The following DPYD variants were observed in gnomAD, a reference collection of about 807,000 sequenced individuals.
The protein encoded by DPYD is dihydropyrimidine dehydrogenase, also known as dihydropyrimidine dehydrogenase [NADP(+)].
A neutral mutation model predicts 116.2 loss-of-function variants in DPYD; 109 were observed. The observed-to-expected ratio is 0.94, with a 90% CI of 0.80 to 1.10. The LOEUF (loss-of-function observed/expected upper bound fraction) is 1.10. Among genes scored for constraint, DPYD ranks in the 50% least tolerant of loss-of-function variants. The pLI, the probability that DPYD is intolerant of heterozygous loss-of-function variation, is 0.00. For synonymous variants in DPYD, 440 were observed against 432.0 expected, an observed-to-expected ratio of 1.02 and a Z score of -0.23; for missense variants, 1,302 against 1,254.5, an observed-to-expected ratio of 1.04 and a Z score of -0.57.
chr1:97,191,804 AT>A (rs1160366447), intron 20 of DPYD, among the ~76,000 whole-genome samples: 4 of 152,032 alleles, frequency 2.6e-5, no homozygotes, highest in East Asian at 1.9e-4. Flanking sequence ...TCATTTGTGA[AT>A]TTTTTTTAGT....
intron 13 of DPYD, among the ~76,000 whole-genome samples, chr1:97,464,658 A>G (rs1043160926): frequency 2.0e-5 from 3 of 152,168 alleles, no homozygotes; most frequent in Admixed American, 6.5e-5. Context: ...CTTCCACATA[A>G]TGTTGAGCCT....
At chr1:97,756,739 G>A (rs905920095) in intron 3 of DPYD, among the ~76,000 whole-genome samples, 3 of 152,074 alleles carry the variant, frequency 2.0e-5, no homozygotes, top group African/African-American at 7.2e-5. Flanking sequence ...ATATTGAAGA[G>A]GTGTTGTTAA....
At chr1:97,884,421 C>G (rs1323625793) in intron 1 of DPYD, among the ~76,000 whole-genome samples, 1 of 151,930 alleles carries the variant, frequency 6.6e-6, no homozygotes, top group African/African-American at 2.4e-5. Flanking sequence ...CTGGGAGAGA[C>G]ACAGTGTATT....
chr1:97,906,012 A>G (rs1280427893), intron 1 of DPYD, among the ~76,000 whole-genome samples: 1 of 151,574 alleles, frequency 6.6e-6, no homozygotes, highest in Non-Finnish European at 1.5e-5. Flanking sequence ...GTTCTTAAGT[A>G]GGGAACAAGA....
chr1:97,679,059 A>T, intron 8 of DPYD, 36 bp downstream of exon 8: 1 of 1,019,978 alleles, frequency 9.8e-7, no homozygotes, highest in East Asian at 2.7e-5. Context: ...AAAAAAATAC[A>T]TTATAAATAA....
chr1:97,695,072 G>A (rs145551799), intron 6 of DPYD, among the ~76,000 whole-genome samples: 56 of 152,192 alleles, frequency 3.7e-4, no homozygotes, highest in African/African-American at 1.2e-3. Context: ...CCCCATAGGC[G>A]ACATATGCCT....
chr1:97,334,783 T>G (rs2101182813), intron 16 of DPYD, among the ~76,000 whole-genome samples: 1 of 152,196 alleles, frequency 6.6e-6, no homozygotes, highest in South Asian at 2.1e-4. Flanking sequence ...AGAAGAGAAG[T>G]CATTTTGGAT....
intron 3 of DPYD, among the ~76,000 whole-genome samples, chr1:97,778,221 G>GA (rs1666536302): frequency 1.5e-5 from 2 of 135,240 alleles, no homozygotes; most frequent in African/African-American, 2.8e-5. Flanking sequence ...AGAGAGAGAG[G>GA]GAGGGAGGGA....
At position 97,208,151 on chromosome 1, in the gene DPYD, CTCTT is replaced by C. The variant is rs1196372146; in HGVS notation, c.2443-14907_2443-14904del. Among the ~76,000 whole-genome samples, 8 of 151,796 alleles carry C rather than the reference CTCTT, an allele frequency of 5.3e-5. No homozygotes were observed. The East Asian group carries it at 1.5e-3, about 29-fold the overall frequency. On this transcript the variant is annotated intron_variant, in intron 19 of 22. Coordinates refer to ENST00000370192, the MANE Select transcript of DPYD (RefSeq NM_000110.4). ...GAGCAATTGTTTTTGTTTTTTTCCT[CTCTT>C]TCTTTTTTCTTTTCTTTTCTTTCTT... is the stretch of plus-strand genomic sequence containing the variant.
intron 2 of DPYD, among the ~76,000 whole-genome samples, chr1:97,838,310 A>G (rs1206286239): frequency 6.6e-6 from 1 of 152,212 alleles, no homozygotes; most frequent in Non-Finnish European, 1.5e-5. Context: ...TATTATATAA[A>G]CCATATAAAT....
chr1:97,324,565 A>G (rs1297522429), intron 16 of DPYD, among the ~76,000 whole-genome samples: 1 of 152,096 alleles, frequency 6.6e-6, no homozygotes, highest in East Asian at 1.9e-4. Context: ...CTATGTGGAA[A>G]TTACAAGAGT....
At chr1:97,539,686 G>A (rs2102050710) in intron 12 of DPYD, among the ~76,000 whole-genome samples, 1 of 152,242 alleles carries the variant, frequency 6.6e-6, no homozygotes, top group African/African-American at 2.4e-5. Context: ...AGTTAGTTTT[G>A]TGATTATAAT....
intron 10 of DPYD, chr1:97,586,332 T>G (rs1216952628): frequency 6.6e-6 from 1 of 150,794 alleles, no homozygotes; most frequent in Non-Finnish European, 1.5e-5. Flanking sequence ...CATTACAAAC[T>G]ACTAAAATGA....
intron 19 of DPYD, among the ~76,000 whole-genome samples, chr1:97,197,181 T>C (rs868338611): frequency 6.6e-6 from 1 of 152,186 alleles, no homozygotes; most frequent in Admixed American, 6.5e-5. Context: ...GAGGAACAAT[T>C]TGAACATTAA....
chr1:97,217,387 G>C (rs1660481544), intron 19 of DPYD, among the ~76,000 whole-genome samples: 1 of 152,160 alleles, frequency 6.6e-6, no homozygotes, highest in Non-Finnish European at 1.5e-5. Context: ...GAAATGGAGA[G>C]ATAGTCTGAC....
intron 7 of DPYD, among the ~76,000 whole-genome samples, chr1:97,685,446 C>T (rs1660666302): frequency 6.6e-6 from 1 of 152,116 alleles, no homozygotes; most frequent in Non-Finnish European, 1.5e-5. Flanking sequence ...ACAAGGATAT[C>T]CTCTCTCACC....
At chr1:97,678,844 C>T (rs1660286768) in intron 8 of DPYD, among the ~76,000 whole-genome samples, 1 of 152,080 alleles carries the variant, frequency 6.6e-6, no homozygotes, top group African/African-American at 2.4e-5. Context: ...GAGATTCTCA[C>T]TGGTGATGAT....
chr1:97,145,323 C>G (rs1378104596), intron 20 of DPYD, among the ~76,000 whole-genome samples: 1 of 152,170 alleles, frequency 6.6e-6, no homozygotes, highest in Non-Finnish European at 1.5e-5. Flanking sequence ...CGTCAAGTAG[C>G]TGTGATGCAG....
chr1:97,263,016 A>G (rs1663990734), intron 18 of DPYD, among the ~76,000 whole-genome samples: 1 of 152,062 alleles, frequency 6.6e-6, no homozygotes, highest in Non-Finnish European at 1.5e-5. Context: ...TCAATGCAAG[A>G]CTTGAGCTGT....
Sources: allele counts gnomAD v4.1 joint callset (sites outside exome capture counted in the v4.1 genomes callset), GRCh38; gene constraint gnomAD v4.1.1; transcripts MANE v1.5; gene names NCBI Gene and HGNC (gene_info 2026-07-23, HGNC 2026-07-21).